The following GRIK5 variants were observed in gnomAD, a reference collection of about 807,000 sequenced individuals.
The protein encoded by GRIK5 is glutamate ionotropic receptor kainate type subunit 5, also known as glutamate receptor ionotropic, kainate 5.
In GRIK5, 43 loss-of-function variants were observed where a neutral mutation model predicts 97.4. The ratio of observed to expected loss-of-function variants is 0.44; its 90% confidence interval spans 0.35 to 0.57. GRIK5 has a LOEUF of 0.57. Among genes scored for constraint, GRIK5 ranks in the 20% least tolerant of loss-of-function variants. The pLI is 0.01. For synonymous variants in GRIK5, 580 were observed against 583.5 expected (o/e 0.99, Z 0.09); for missense variants, 1,015 against 1,382.0 (o/e 0.73, Z 4.21).
chr19:42,014,360 C>G (rs1218426788), intron 15 of GRIK5, among the ~76,000 whole-genome samples: 4 of 151,568 alleles, frequency 2.6e-5, no homozygotes, highest in Non-Finnish European at 4.4e-5. Flanking sequence ...TGCTGTTGCA[C>G]CACTGCACTC....
At chr19:42,063,858 T>C (rs1233373457) in intron 3 of GRIK5, among the ~76,000 whole-genome samples, 1 of 152,130 alleles carries the variant, frequency 6.6e-6, no homozygotes, top group Non-Finnish European at 1.5e-5. Context: ...GCTAATAAGT[T>C]CTCTTTTTTC....
chr19:42,068,464 G>C (rs1225130555), intron 1 of GRIK5: 2 of 345,852 alleles, frequency 5.8e-6, no homozygotes, highest in African/African-American at 4.2e-5. Context: ...GGACCACGGA[G>C]AGGTGGGGCA....
intron 11 of GRIK5, among the ~76,000 whole-genome samples, chr19:42,043,609 A>G (rs569220814): frequency 4.4e-4 from 67 of 151,822 alleles, no homozygotes; most frequent in Non-Finnish European, 6.5e-4. Flanking sequence ...ACGGGGTTTC[A>G]CCATGTTGGC....
At chr19:42,050,613 G>A (rs946423628) in intron 11 of GRIK5, among the ~76,000 whole-genome samples, 7 of 149,306 alleles carry the variant, frequency 4.7e-5, no homozygotes, top group East Asian at 2.0e-4. Flanking sequence ...AGCCGAGATC[G>A]CGCCACTGCA....
At chr19:42,013,496 G>A (rs1339813460) in intron 15 of GRIK5, among the ~76,000 whole-genome samples, 5 of 135,152 alleles carry the variant, frequency 3.7e-5, no homozygotes, top group Non-Finnish European at 6.1e-5. Flanking sequence ...TGCAAGCTCC[G>A]CCTCCCAGGT....
intron 6 of GRIK5, among the ~76,000 whole-genome samples, chr19:42,057,899 T>G (rs2146159274): frequency 6.6e-6 from 1 of 152,326 alleles, no homozygotes; most frequent in East Asian, 1.9e-4. Flanking sequence ...AGCACCCAAG[T>G]CTGTCCCCCC....
rs782182070 is a variant in GRIK5, at chr19:42,003,305, GC to G, written c.2514+26del. 4.5e-6 allele frequency: 7 copies of G among 1,540,626 alleles called. No individual in the cohort carries two copies. In the East Asian group the frequency reaches 1.1e-4, roughly 25 times the overall value. On this transcript the variant is annotated intron_variant, in intron 19 of 19. Transcript: ENST00000593562. The surrounding 1 kb of genome is among the most constrained non-coding windows in gnomAD (Gnocchi z 4.2). ...TCAGCCCCTGGGGGTCCCTGTTCCT[GC>G]CCACCCCCACCCCCAGCCTCCTCAC...
chr19:42,026,690 T>C lies in GRIK5; in HGVS notation c.1474-4336A>G, dbSNP rs371870559. Among the ~76,000 whole-genome samples the C allele has an allele frequency of 2.6e-5, 4 of 152,164 alleles. No individual in the cohort carries two copies. The East Asian group carries it at 5.8e-4, about 22-fold the overall frequency. On this transcript the variant is annotated intron_variant, in intron 12 of 19. Transcript: ENST00000593562. Reference sequence around the variant, plus strand: ...CTCAAGCAATTATCCTGCCTCAGCCTCCCGAGTAGCTGGGATTACAGGTGA... The same window carrying C: ...CTCAAGCAATTATCCTGCCTCAGCCCCCCGAGTAGCTGGGATTACAGGTGA...
At chr19:42,007,900 G>T (rs956188596) in intron 15 of GRIK5, among the ~76,000 whole-genome samples, 1 of 152,042 alleles carries the variant, frequency 6.6e-6, no homozygotes, top group African/African-American at 2.4e-5. Flanking sequence ...TGCTAAAGCT[G>T]CACTAAAAAA....
At position 42,003,181 on chromosome 19, in the gene GRIK5, A is replaced by T; in HGVS notation, c.2514+151T>A. 1 of 677,824 alleles carries T rather than the reference A, an allele frequency of 1.5e-6. No homozygotes were observed. 42.0% of individuals were successfully genotyped at this position (677,824 alleles called of 1,614,324 possible). A position where few individuals can be genotyped will look rare whatever the true frequency, so the allele number is the denominator to read the frequency against. On this transcript the variant is annotated intron_variant, in intron 19 of 19. Transcript: ENST00000593562. This position sits in a 1 kb window ranked among gnomAD's most constrained non-coding sequence, Gnocchi z 4.2. ...CACGCGCTGATTCTCTGGCCCCATC[A>T]GCTCTCTTACTTCCCCACCTCCTGC...
chr19:42,063,993 A>G (rs1288314455), intron 3 of GRIK5, among the ~76,000 whole-genome samples: 1 of 152,164 alleles, frequency 6.6e-6, no homozygotes, highest in Non-Finnish European at 1.5e-5. Flanking sequence ...CCATTCACAC[A>G]GACCAGATGC....
chr19:42,023,823 C>T (rs967139668), intron 12 of GRIK5, among the ~76,000 whole-genome samples: 2 of 152,224 alleles, frequency 1.3e-5, no homozygotes, highest in African/African-American at 2.4e-5. Flanking sequence ...GCCTCATCGG[C>T]GCCCCCTGCC....
intron 1 of GRIK5, among the ~76,000 whole-genome samples, chr19:42,066,843 G>A (rs892800690): frequency 9.9e-5 from 15 of 151,998 alleles, no homozygotes; most frequent in African/African-American, 3.1e-4. Context: ...GAACCGACTC[G>A]GATACAAGCA....
At chr19:42,059,731 C>G (rs569403482) in intron 5 of GRIK5, among the ~76,000 whole-genome samples, 2 of 152,226 alleles carry the variant, frequency 1.3e-5, no homozygotes, top group South Asian at 4.1e-4. Flanking sequence ...TAGACCTCTT[C>G]CTAGAACTCC....
chr19:42,017,335 CATA>C (rs1341677443), intron 15 of GRIK5, among the ~76,000 whole-genome samples: 1 of 152,318 alleles, frequency 6.6e-6, no homozygotes. Flanking sequence ...TGTGTATTGC[CATA>C]ATATTATTTT....
intron 9 of GRIK5, 143 bp from the exon 10 acceptor site, chr19:42,054,072 A>T (rs146848892): frequency 1.5e-6 from 1 of 663,640 alleles, no homozygotes; most frequent in East Asian, 2.7e-5. Flanking sequence ...GGAAGATCAC[A>T]GTCAAAAGAG....
At chr19:42,027,116 C>T (rs941081756) in intron 12 of GRIK5, among the ~76,000 whole-genome samples, 2 of 152,144 alleles carry the variant, frequency 1.3e-5, no homozygotes, top group Non-Finnish European at 2.9e-5. Flanking sequence ...ACCTGCCTGA[C>T]AAATATTTGT....
At chr19:42,000,038 G>A (rs1555870607) in intron 19 of GRIK5, among the ~76,000 whole-genome samples, 1 of 152,224 alleles carries the variant, frequency 6.6e-6, no homozygotes, top group South Asian at 2.1e-4. Context: ...GCACGTCTGA[G>A]GCACTGCAAG....
At chr19:42,053,539 G>T in intron 11 of GRIK5, 63 bp downstream of exon 11, 1 of 985,012 alleles carries the variant, frequency 1.0e-6, no homozygotes, top group South Asian at 1.3e-5. Flanking sequence ...TCCACCTCAC[G>T]GTGGGAGCTA....
Sources: allele counts gnomAD v4.1 joint callset (sites outside exome capture counted in the v4.1 genomes callset), GRCh38; gene constraint gnomAD v4.1.1; non-coding constraint Gnocchi (gnomAD v3.1); transcripts MANE v1.5; gene names NCBI Gene and HGNC (gene_info 2026-07-23, HGNC 2026-07-21).